Variants in RNF130 observed in about 807,000 individuals in gnomAD.
The protein encoded by RNF130 is ring finger protein 130, also known as E3 ubiquitin-protein ligase RNF130.
A neutral mutation model predicts 44.6 loss-of-function variants in RNF130; 21 were observed. The observed-to-expected ratio is 0.47, with a 90% CI of 0.33 to 0.68. The LOEUF is 0.68. RNF130 is among the 30% of genes least tolerant of loss of function. The pLI, the probability that RNF130 is intolerant of heterozygous loss-of-function variation, is 0.02. For synonymous variants in RNF130, 214 were observed against 210.4 expected (o/e 1.02, Z -0.15); for missense variants, 479 against 560.6 (o/e 0.85, Z 1.47).
In RNF130 at chr5:179,955,523, T is replaced by C; in HGVS notation, c.*131A>G. On this transcript the variant is annotated 3_prime_UTR_variant, in exon 9 of 9. Transcript: ENST00000521389. ...TTTCTTTTAATACAAAGCTTTGGCA[T>C]TAGCAATTTTATGAAAAAATAAAAT... 1 of 696,112 alleles carries C rather than the reference T, an allele frequency of 1.4e-6. No individual in the cohort carries two copies. The highest frequency in any genetic ancestry group is 2.4e-6 in the Non-Finnish European group (1 of 417,152). 43.1% of individuals were successfully genotyped at this position (696,112 alleles called of 1,614,324 possible). A position where few individuals can be genotyped will look rare whatever the true frequency, so the allele number is the denominator to read the frequency against.
intron 1 of RNF130, among the ~76,000 whole-genome samples, chr5:180,041,648 G>A (rs1310233948): frequency 1.3e-5 from 2 of 152,230 alleles, no homozygotes; most frequent in Admixed American, 6.5e-5. Flanking sequence ...TCTGCAGACT[G>A]CTGGCGCACA....
chr5:179,927,997 A>G (rs1164473003), intron 7 of RNF130, among the ~76,000 whole-genome samples: 1 of 152,110 alleles, frequency 6.6e-6, no homozygotes, highest in African/African-American at 2.4e-5. Flanking sequence ...TGCAACATCC[A>G]TCCGCCTCAG....
chr5:179,988,309 T>C (rs1763000274), intron 3 of RNF130, among the ~76,000 whole-genome samples: 1 of 152,220 alleles, frequency 6.6e-6, no homozygotes, highest in Admixed American at 6.5e-5. Context: ...TCTGATTTTA[T>C]TTGAGGCTTC....
chr5:180,026,077 A>C (rs13179406), intron 2 of RNF130, among the ~76,000 whole-genome samples: 14,570 of 151,898 alleles, frequency 0.096, 740 homozygotes, highest in South Asian at 0.14. Flanking sequence ...TATGATGGAA[A>C]AAAGGTGAAG....
At chr5:179,986,082 T>C (rs1762945220) in intron 3 of RNF130, among the ~76,000 whole-genome samples, 1 of 152,270 alleles carries the variant, frequency 6.6e-6, no homozygotes, top group African/African-American at 2.4e-5. Context: ...TGTCATATAA[T>C]GACTTTTCTT....
chr5:179,957,045 A>G (rs1011615350), intron 8 of RNF130, among the ~76,000 whole-genome samples: 5 of 152,260 alleles, frequency 3.3e-5, no homozygotes, highest in Non-Finnish European at 5.9e-5. Flanking sequence ...TTCCTCAGAA[A>G]AACTGGATAT....
intron 5 of RNF130, among the ~76,000 whole-genome samples, chr5:179,975,846 G>A (rs1246006897): frequency 6.6e-6 from 1 of 152,190 alleles, no homozygotes; most frequent in South Asian, 2.1e-4. Flanking sequence ...ATGGTGGCAG[G>A]TGCAGCGCAG....
chr5:179,952,838 C>T (rs1762147270), downstream of RNF130, among the ~76,000 whole-genome samples: 1 of 151,782 alleles, frequency 6.6e-6, no homozygotes, highest in Non-Finnish European at 1.5e-5. Context: ...AGGTAACTTT[C>T]TCAACTTGAT....
At chr5:179,947,472 T>A (rs1372112441) in intron 7 of RNF130, among the ~76,000 whole-genome samples, 1 of 152,212 alleles carries the variant, frequency 6.6e-6, no homozygotes, top group African/African-American at 2.4e-5. Context: ...TGACACTTGG[T>A]GAGCTTCTCT....
intron 7 of RNF130, chr5:179,939,498 T>C (rs748408686): frequency 1.8e-5 from 4 of 226,548 alleles, no homozygotes; most frequent in Non-Finnish European, 3.5e-5. Flanking sequence ...AGCTGCTCCT[T>C]ATGCTGGCCG....
intron 2 of RNF130, among the ~76,000 whole-genome samples, chr5:180,017,111 T>C (rs1265991107): frequency 1.3e-5 from 2 of 152,196 alleles, no homozygotes; most frequent in African/African-American, 4.8e-5. Flanking sequence ...CTAGAATAGT[T>C]CCTCAGTCAC....
intron 5 of RNF130, 34 bp from the exon 6 acceptor site, chr5:179,970,540 C>A: frequency 6.5e-7 from 1 of 1,526,790 alleles, no homozygotes; most frequent in Non-Finnish European, 9.0e-7. Context: ...TCACAAGTTA[C>A]ATACCAAGAA....
chr5:180,026,039 T>A (rs1053751018), intron 2 of RNF130, among the ~76,000 whole-genome samples: 4 of 151,440 alleles, frequency 2.6e-5, no homozygotes, highest in Non-Finnish European at 4.4e-5. Context: ...AGATAATAAA[T>A]ATAGAGCTAA....
At chr5:179,964,515 A>G (rs1305086699) in intron 7 of RNF130, 3 of 152,246 alleles carry the variant, frequency 2.0e-5, no homozygotes, top group Non-Finnish European at 4.4e-5. Flanking sequence ...AATTACCTAT[A>G]TATGTGCAAG....
intron 3 of RNF130, among the ~76,000 whole-genome samples, chr5:180,006,451 T>C (rs987834055): frequency 6.6e-6 from 1 of 152,176 alleles, no homozygotes; most frequent in African/African-American, 2.4e-5. Flanking sequence ...ATGATGAAAA[T>C]GGGCAATAAG....
rs1336054391 is a variant in RNF130, at chr5:179,962,928, T to C, written c.1244+543A>G. ...TGCTCTTTGGTCGCCATTTTGCCCATGGAGATAGCGCTTAGACTTATTTTC... is the reference window on the plus strand; with the variant it reads ...TGCTCTTTGGTCGCCATTTTGCCCACGGAGATAGCGCTTAGACTTATTTTC... On this transcript the variant is annotated intron_variant, in intron 8 of 8. Coordinates refer to ENST00000521389, the MANE Select transcript of RNF130 (RefSeq NM_018434.6). Among the ~76,000 whole-genome samples, 3 of 152,150 alleles carry C rather than the reference T, an allele frequency of 2.0e-5. No individual in the cohort carries two copies. The East Asian group carries it at 5.8e-4, about 29-fold the overall frequency.
chr5:179,991,198 T>C (rs1015552136), intron 3 of RNF130, among the ~76,000 whole-genome samples: 4 of 152,220 alleles, frequency 2.6e-5, no homozygotes, highest in South Asian at 2.1e-4. Flanking sequence ...GCTTCCCTTA[T>C]AGATGACTAG....
At chr5:179,962,927 A>G (rs1000358754) in intron 8 of RNF130, among the ~76,000 whole-genome samples, 1 of 152,120 alleles carries the variant, frequency 6.6e-6, no homozygotes, top group African/African-American at 2.4e-5. Context: ...CATTTTGCCC[A>G]TGGAGATAGC....
intron 2 of RNF130, among the ~76,000 whole-genome samples, chr5:180,024,223 T>C (rs1420915988): frequency 6.6e-6 from 1 of 152,156 alleles, no homozygotes; most frequent in Admixed American, 6.5e-5. Context: ...TAATGTGGTG[T>C]CCTGGGTGGG....
Sources: allele counts gnomAD v4.1 joint callset (sites outside exome capture counted in the v4.1 genomes callset), GRCh38; gene constraint gnomAD v4.1.1; transcripts MANE v1.5; gene names NCBI Gene and HGNC (gene_info 2026-07-23, HGNC 2026-07-21).